The following GFRAL variants were observed in gnomAD, a reference collection of about 807,000 sequenced individuals.
The protein encoded by GFRAL is GDNF family receptor alpha like.
A neutral mutation model predicts 45.4 loss-of-function variants in GFRAL; 36 were observed. That is an observed-to-expected ratio of 0.79 (90% CI 0.61 to 1.05). GFRAL has a LOEUF of 1.05. GFRAL is among the 50% of genes least tolerant of loss of function. The pLI is 0.00. For missense variants in GFRAL, 507 were observed against 467.5 expected (o/e 1.08, Z -0.78); for synonymous variants, 166 against 154.1 (o/e 1.08, Z -0.57).
At chr6:55,400,069 AT>A (rs965972651) in intron 8 of GFRAL, among the ~76,000 whole-genome samples, 1 of 152,128 alleles carries the variant, frequency 6.6e-6, no homozygotes, top group African/African-American at 2.4e-5. Context: ...CAACCTCTAG[AT>A]TTCTAAACGT....
rs1019985453 is a variant in GFRAL, at chr6:55,376,491, G to A, written c.952+17353G>A. ...TCAGGTGTTAATACCATCTTGCTTGGTAGGCTATTTATTACTGCCTCAATT... is the reference window on the plus strand; with the variant it reads ...TCAGGTGTTAATACCATCTTGCTTGATAGGCTATTTATTACTGCCTCAATT... On this transcript the variant is annotated intron_variant, in intron 6 of 8. Transcript: ENST00000340465. Among the ~76,000 whole-genome samples, 33 of 151,898 alleles carry A rather than the reference G, an allele frequency of 2.2e-4. 1 individual carries two copies. The highest frequency in any genetic ancestry group is 2.9e-5 in the Non-Finnish European group (2 of 67,946).
At chr6:55,395,332 A>C (rs1450422639) in intron 6 of GFRAL, among the ~76,000 whole-genome samples, 1 of 151,754 alleles carries the variant, frequency 6.6e-6, no homozygotes, top group Non-Finnish European at 1.5e-5. Context: ...AAAGTATTCC[A>C]TACACTGAAA....
intron 3 of GFRAL, among the ~76,000 whole-genome samples, chr6:55,346,535 C>T (rs573047334): frequency 6.6e-6 from 1 of 151,922 alleles, no homozygotes; most frequent in South Asian, 2.1e-4. Context: ...CACACCGGGG[C>T]CTGTCGTGGG....
intron 6 of GFRAL, among the ~76,000 whole-genome samples, chr6:55,396,370 A>G (rs1768824879): frequency 6.6e-6 from 1 of 152,162 alleles, no homozygotes; most frequent in Non-Finnish European, 1.5e-5. Flanking sequence ...TTACATATCT[A>G]AAAAAAGCCT....
At chr6:55,357,759 A>T (rs988293006) in intron 5 of GFRAL, among the ~76,000 whole-genome samples, 28 of 151,700 alleles carry the variant, frequency 1.8e-4, no homozygotes, top group African/African-American at 6.5e-4. Flanking sequence ...GCAAAATTTC[A>T]TGGTGTTTTT....
chr6:55,356,301 C>T (rs1768194013), intron 5 of GFRAL, among the ~76,000 whole-genome samples: 1 of 151,792 alleles, frequency 6.6e-6, no homozygotes, highest in African/African-American at 2.4e-5. Context: ...GGTATTAGTT[C>T]CTCTCTAAGT....
intron 6 of GFRAL, among the ~76,000 whole-genome samples, chr6:55,389,825 A>G (rs1768724930): frequency 6.6e-6 from 1 of 152,340 alleles, no homozygotes; most frequent in South Asian, 2.1e-4. Context: ...CACATTTACA[A>G]AAGGTGCTAA....
chr6:55,359,434 T>G lies in GFRAL; in HGVS notation c.952+296T>G, dbSNP rs116356640. Among the ~76,000 whole-genome samples the G allele has an allele frequency of 9.2e-3, 1,396 of 152,140 alleles. 20 individuals are homozygous for G. Among genetic ancestry groups the G allele is most frequent in the African/African-American group, 0.032 (1,338 of 41,532 alleles). Reference sequence around the variant, plus strand: ...TTATTCTATCAGATAAATGGATATATCAAGTATCAATTGCTGCATAACAAA... The same window carrying G: ...TTATTCTATCAGATAAATGGATATAGCAAGTATCAATTGCTGCATAACAAA... On this transcript the variant is annotated intron_variant, in intron 6 of 8. Transcript: ENST00000340465.
intron 6 of GFRAL, among the ~76,000 whole-genome samples, chr6:55,382,135 G>A (rs964103581): frequency 2.6e-5 from 4 of 151,774 alleles, no homozygotes; most frequent in Non-Finnish European, 5.9e-5. Context: ...TTATATCATA[G>A]CCTCTAAACA....
chr6:55,372,046 C>T (rs1768458320), intron 6 of GFRAL, among the ~76,000 whole-genome samples: 1 of 152,182 alleles, frequency 6.6e-6, no homozygotes, highest in Admixed American at 6.5e-5. Context: ...CAACAACATC[C>T]ATTTCAGAGG....
chr6:55,396,713 TAAAAA>T (rs1301723789), intron 6 of GFRAL, among the ~76,000 whole-genome samples: 1 of 151,838 alleles, frequency 6.6e-6, no homozygotes. Flanking sequence ...GACCCCTTAT[TAAAAA>T]AAAGTATTAT....
intron 6 of GFRAL, among the ~76,000 whole-genome samples, chr6:55,374,383 TGTTA>T (rs1768496643): frequency 6.6e-6 from 1 of 152,208 alleles, no homozygotes; most frequent in Non-Finnish European, 1.5e-5. Context: ...TGATCAGTGA[TGTTA>T]AGCTTTTTTT....
At chr6:55,368,545 G>A (rs1159801593) in intron 6 of GFRAL, among the ~76,000 whole-genome samples, 1 of 151,910 alleles carries the variant, frequency 6.6e-6, no homozygotes, top group Non-Finnish European at 1.5e-5. Context: ...CAGTTTTTCT[G>A]CTCTGTTTTT....
At chr6:55,366,652 G>C (rs1345773201) in intron 6 of GFRAL, among the ~76,000 whole-genome samples, 1 of 112,398 alleles carries the variant, frequency 8.9e-6, no homozygotes, top group South Asian at 3.2e-4. Flanking sequence ...CTTTGTTCTG[G>C]TTGGTTTCAA....
intron 1 of GFRAL, among the ~76,000 whole-genome samples, chr6:55,328,009 A>G (rs1034012349): frequency 3.9e-5 from 6 of 152,028 alleles, no homozygotes; most frequent in Non-Finnish European, 8.8e-5. Flanking sequence ...AAATAAGATT[A>G]ATTTAAAACA....
At chr6:55,343,991 A>G (rs531653139) in intron 3 of GFRAL, among the ~76,000 whole-genome samples, 5 of 152,316 alleles carry the variant, frequency 3.3e-5, no homozygotes, top group African/African-American at 1.2e-4. Flanking sequence ...ACCAGGAAAA[A>G]GTTGAATCCC....
At chr6:55,369,141 A>G (rs371569779) in intron 6 of GFRAL, among the ~76,000 whole-genome samples, 26,240 of 147,716 alleles carry the variant, frequency 0.18, 2,796 homozygotes, top group African/African-American at 0.29. Context: ...ATAGAATCTC[A>G]TGGTGCGCCG....
Position 55,335,445 on chromosome 6 carries a change from A to T in GFRAL, c.316+1501A>T, listed in dbSNP as rs1424948506. ...GTGTCTTAAAAAACAGAATTTTAAA[A>T]ATTTTGGTGAAATTGAGTTTATCAT... On this transcript the variant is annotated intron_variant, in intron 3 of 8. Coordinates refer to ENST00000340465, the MANE Select transcript of GFRAL (RefSeq NM_207410.2). Among the ~76,000 whole-genome samples, 3 of 152,234 alleles carry T rather than the reference A, an allele frequency of 2.0e-5. No homozygotes were observed. The East Asian group carries it at 5.8e-4, about 29-fold the overall frequency.
chr6:55,351,843 A>G (rs1768122265), intron 5 of GFRAL, among the ~76,000 whole-genome samples: 1 of 152,144 alleles, frequency 6.6e-6, no homozygotes, highest in Non-Finnish European at 1.5e-5. Flanking sequence ...TATAAAAATT[A>G]TGTATTCAAG....
Sources: allele counts gnomAD v4.1 joint callset (sites outside exome capture counted in the v4.1 genomes callset), GRCh38; gene constraint gnomAD v4.1.1; transcripts MANE v1.5; gene names NCBI Gene and HGNC (gene_info 2026-07-23, HGNC 2026-07-21).